The following PLEKHA7 variants were observed in gnomAD, a reference collection of about 807,000 sequenced individuals.
PLEKHA7 encodes the protein pleckstrin homology domain containing A7.
Under a neutral mutation model 170.0 loss-of-function variants are expected in PLEKHA7, and 104 were observed. The observed-to-expected ratio is 0.61, with a 90% CI of 0.52 to 0.72. The LOEUF is 0.72. Among genes scored for constraint, PLEKHA7 ranks in the 30% least tolerant of loss-of-function variants. The pLI is 0.00. For synonymous variants in PLEKHA7, 648 were observed against 660.8 expected (o/e 0.98, Z 0.30); for missense variants, 1,615 against 1,671.7 (o/e 0.97, Z 0.59).
At chr11:16,918,546 C>T (rs72865715) in intron 3 of PLEKHA7, among the ~76,000 whole-genome samples, 4 of 152,282 alleles carry the variant, frequency 2.6e-5, no homozygotes, top group Admixed American at 1.3e-4. Flanking sequence ...ACAATGAGCC[C>T]GTTGATACTG....
intron 9 of PLEKHA7, among the ~76,000 whole-genome samples, chr11:16,831,220 T>C (rs1209424758): frequency 6.6e-6 from 1 of 152,120 alleles, no homozygotes; most frequent in Non-Finnish European, 1.5e-5. Flanking sequence ...AAAGTAATAT[T>C]CCCTACTCCC....
chr11:16,803,328 C>T (rs1386088435), intron 13 of PLEKHA7, 33 bp from the exon 14 acceptor site: 9 of 1,589,838 alleles, frequency 5.7e-6, no homozygotes, highest in Non-Finnish European at 7.8e-6. Flanking sequence ...GAGATTTAAC[C>T]ATGGTGTTTG....
At chr11:16,943,578 G>A (rs1408871050) in intron 3 of PLEKHA7, among the ~76,000 whole-genome samples, 1 of 152,182 alleles carries the variant, frequency 6.6e-6, no homozygotes, top group Non-Finnish European at 1.5e-5. Context: ...AGGCTTCAAA[G>A]ATAAATGCTA....
At chr11:16,981,214 A>G (rs1054741189) in intron 3 of PLEKHA7, among the ~76,000 whole-genome samples, 5 of 152,224 alleles carry the variant, frequency 3.3e-5, no homozygotes, top group African/African-American at 9.6e-5. Flanking sequence ...ATAGTGATGG[A>G]GGCTCTTATC....
Position 16,789,637 on chromosome 11 carries a change from A to T in PLEKHA7, c.3156+138T>A, listed in dbSNP as rs1847694288. The T allele has an allele frequency of 1.4e-6, 1 of 698,796 alleles. No homozygotes were observed. 43.3% of individuals were successfully genotyped at this position (698,796 alleles called of 1,614,324 possible). ...CCCTCCTTGGTGGACAGTGGGTGAC[A>T]GGGAGCTCAGGAGGGGCTGAGGCCA... is the stretch of plus-strand genomic sequence containing the variant. On this transcript the variant is annotated intron_variant, in intron 22 of 26. Coordinates refer to ENST00000531066, the MANE Select transcript of PLEKHA7 (RefSeq NM_001329630.2). The surrounding 1 kb of genome is among the most constrained non-coding windows in gnomAD (Gnocchi z 4.6).
At chr11:16,972,568 G>C (rs1362211466) in intron 3 of PLEKHA7, among the ~76,000 whole-genome samples, 2 of 152,038 alleles carry the variant, frequency 1.3e-5, no homozygotes, top group Non-Finnish European at 2.9e-5. Flanking sequence ...GCACCACCAT[G>C]CCTGGCTATT....
At chr11:16,785,545 T>G (rs1166876912) in intron 24 of PLEKHA7, among the ~76,000 whole-genome samples, 1 of 152,186 alleles carries the variant, frequency 6.6e-6, no homozygotes, top group Non-Finnish European at 1.5e-5. Context: ...AGCATCGACA[T>G]AGGCCACAGG....
At chr11:17,007,899 G>A (rs1352077520) in intron 3 of PLEKHA7, among the ~76,000 whole-genome samples, 1 of 152,128 alleles carries the variant, frequency 6.6e-6, no homozygotes, top group East Asian at 1.9e-4. Context: ...TGGTGCAAAA[G>A]TAATTGCAGT....
intron 3 of PLEKHA7, among the ~76,000 whole-genome samples, chr11:16,991,367 A>G (rs1055284149): frequency 6.6e-6 from 1 of 152,190 alleles, no homozygotes; most frequent in Non-Finnish European, 1.5e-5. Flanking sequence ...CTTCATGGAG[A>G]TGCATTCTAG....
At position 16,803,652 on chromosome 11, in the gene PLEKHA7, C is replaced by T. The variant is rs188039987; in HGVS notation, c.2008-357G>A. 4.0e-4 allele frequency: 99 copies of T among 248,140 alleles called. 1 individual carries two copies. In the East Asian group the frequency reaches 9.8e-3, roughly 24 times the overall value. 15.4% of individuals were successfully genotyped at this position (248,140 alleles called of 1,614,324 possible). A position where few individuals can be genotyped will look rare whatever the true frequency, so the allele number is the denominator to read the frequency against. On this transcript the variant is annotated intron_variant, in intron 13 of 26. Coordinates refer to ENST00000531066, the MANE Select transcript of PLEKHA7 (RefSeq NM_001329630.2). ...TTGCCACCGATAAGACAGAGGTGTA[C>T]TACTGAACGTGGGAACAAACACAAG...
At position 17,014,261 on chromosome 11, in the gene PLEKHA7, C is replaced by A. The variant is rs572205724; in HGVS notation, c.86+55G>T. On this transcript the variant is annotated intron_variant, in intron 1 of 26. Transcript: ENST00000531066. ...ACAGCCCGCCGGGTGCCCGCCCGGC[C>A]CCCGCCCCCGCGCCCCCACCCGCGT... The A allele has an allele frequency of 3.8e-4, 525 of 1,394,324 alleles. No individual in the cohort carries two copies. The African/African-American group carries it at 6.9e-3, about 18-fold the overall frequency. 86.4% of individuals were successfully genotyped at this position (1,394,324 alleles called of 1,614,324 possible).
intron 3 of PLEKHA7, among the ~76,000 whole-genome samples, chr11:16,988,847 G>A (rs1367962532): frequency 6.6e-6 from 1 of 152,200 alleles, no homozygotes; most frequent in Non-Finnish European, 1.5e-5. Context: ...TCTCCCTGTA[G>A]CTTTCACAGA....
At chr11:16,865,693 T>C (rs1377635576) in intron 4 of PLEKHA7, among the ~76,000 whole-genome samples, 2 of 144,822 alleles carry the variant, frequency 1.4e-5, no homozygotes, top group Non-Finnish European at 3.1e-5. Flanking sequence ...GGAGACACCA[T>C]CTCAAAAAAA....
At chr11:16,847,797 G>T (rs1462402213) in intron 8 of PLEKHA7, among the ~76,000 whole-genome samples, 1 of 147,678 alleles carries the variant, frequency 6.8e-6, no homozygotes, top group Non-Finnish European at 1.5e-5. Context: ...AGCCAAGATC[G>T]TGCCATTGTA....
At chr11:16,966,547 C>T (rs534772673) in intron 3 of PLEKHA7, among the ~76,000 whole-genome samples, 62 of 152,142 alleles carry the variant, frequency 4.1e-4, no homozygotes, top group African/African-American at 1.4e-3. Context: ...AGCCAGGGTG[C>T]ACAAGTAAAA....
chr11:16,894,543 CAGTGGAAAGAGTG>C (rs1157542679), intron 3 of PLEKHA7, among the ~76,000 whole-genome samples: 1 of 152,164 alleles, frequency 6.6e-6, no homozygotes, highest in African/African-American at 2.4e-5. Context: ...ATCAAATAGT[CAGTGGAAAGAGTG>C]TGGCTTTGGA....
At chr11:16,822,365 T>C (rs969247870) in intron 10 of PLEKHA7, among the ~76,000 whole-genome samples, 1 of 151,888 alleles carries the variant, frequency 6.6e-6, no homozygotes, top group African/African-American at 2.4e-5. Flanking sequence ...GGTTTGCCCA[T>C]CTAAGCCCAT....
At chr11:16,810,809 G>T (rs141179148) in intron 13 of PLEKHA7, among the ~76,000 whole-genome samples, 5 of 152,282 alleles carry the variant, frequency 3.3e-5, no homozygotes, top group African/African-American at 1.2e-4. Context: ...TTTAAGAGAG[G>T]ATGTGGGGCA....
At chr11:16,923,564 G>C (rs1335964319) in intron 3 of PLEKHA7, among the ~76,000 whole-genome samples, 1 of 152,152 alleles carries the variant, frequency 6.6e-6, no homozygotes, top group African/African-American at 2.4e-5. Flanking sequence ...ATGGAGAGCA[G>C]AGCAGAGAGG....
Sources: gnomAD v4.1 joint callset for allele counts (sites outside exome capture counted in the v4.1 genomes callset) on GRCh38, gnomAD v4.1.1 for gene constraint, Gnocchi (gnomAD v3.1) non-coding constraint, MANE v1.5 for transcripts, NCBI Gene and HGNC (gene_info 2026-07-23, HGNC 2026-07-21) for gene names.